The following GSTCD variants were observed in gnomAD, a reference collection of about 807,000 sequenced individuals.
GSTCD encodes glutathione S-transferase C-terminal domain-containing protein.
A neutral mutation model predicts 68.3 loss-of-function variants in GSTCD; 44 were observed. The observed-to-expected ratio is 0.64, with a 90% confidence interval of 0.51 to 0.83. The LOEUF is 0.83. Among genes scored for constraint, GSTCD ranks in the 40% least tolerant of loss-of-function variants. The probability of loss-of-function intolerance (pLI) is 0.00; values close to 1 mark genes in which losing one functional copy is unlikely to be tolerated. For synonymous variants in GSTCD, 273 were observed against 255.2 expected (o/e 1.07, Z -0.67); for missense variants, 739 against 735.9 (o/e 1.00, Z -0.05).
At chr4:105,839,818 G>T (rs1724266528) in intron 10 of GSTCD, among the ~76,000 whole-genome samples, 1 of 152,188 alleles carries the variant, frequency 6.6e-6, no homozygotes, top group South Asian at 2.1e-4. Flanking sequence ...ATCAAGGGTG[G>T]TGAAGAGATA....
intron 5 of GSTCD, among the ~76,000 whole-genome samples, chr4:105,747,060 C>G (rs1177786438): frequency 6.6e-6 from 1 of 152,210 alleles, no homozygotes. Context: ...TAAAGGCAGC[C>G]TTTTCCCCTA....
intron 4 of GSTCD, among the ~76,000 whole-genome samples, chr4:105,728,684 T>TAC (rs1560797994): frequency 8.1e-5 from 2 of 24,540 alleles, no homozygotes; most frequent in African/African-American, 2.1e-4. Flanking sequence ...TATAGATATA[T>TAC]AGATATAGAT....
chr4:105,760,996 A>ATTTTTTTTTTTTTTTTTTTTTTTTTTTTT (rs35581423), intron 5 of GSTCD: 2 of 174,968 alleles, frequency 1.1e-5, no homozygotes, highest in Non-Finnish European at 9.6e-6. Flanking sequence ...TCCTTTTTTA[A>ATTTTTTTTTTTTTTTTTTTTTTTTTTTTT]TTTTTTTTTT....
chr4:105,720,588 AAG>A (rs1302174782), intron 3 of GSTCD, among the ~76,000 whole-genome samples: 1 of 152,204 alleles, frequency 6.6e-6, no homozygotes, highest in Non-Finnish European at 1.5e-5. Flanking sequence ...ACAATATAAA[AAG>A]AGAGAGATCC....
At chr4:105,778,306 A>G (rs1193304221) in intron 5 of GSTCD, among the ~76,000 whole-genome samples, 1 of 152,184 alleles carries the variant, frequency 6.6e-6, no homozygotes, top group Non-Finnish European at 1.5e-5. Flanking sequence ...ATAAATAACA[A>G]AAACTCACTT....
At chr4:105,830,087 G>A (rs1433796903) in intron 8 of GSTCD, among the ~76,000 whole-genome samples, 2 of 152,032 alleles carry the variant, frequency 1.3e-5, no homozygotes, top group Non-Finnish European at 2.9e-5. Context: ...GTAAATCGTG[G>A]GGAGGAAAAC....
chr4:105,792,425 G>A (rs1578478972), intron 5 of GSTCD, among the ~76,000 whole-genome samples: 1 of 152,108 alleles, frequency 6.6e-6, no homozygotes, highest in East Asian at 1.9e-4. Context: ...CTGGGAGGAA[G>A]AAAAACAAGC....
intron 1 of GSTCD, among the ~76,000 whole-genome samples, chr4:105,716,529 G>A (rs894689088): frequency 1.3e-5 from 2 of 152,160 alleles, no homozygotes; most frequent in Admixed American, 6.5e-5. Flanking sequence ...CCTGAATGGC[G>A]CCTCCTGTCA....
chr4:105,735,647 C>G (rs1733436542), intron 5 of GSTCD, among the ~76,000 whole-genome samples: 1 of 152,156 alleles, frequency 6.6e-6, no homozygotes, highest in Non-Finnish European at 1.5e-5. Flanking sequence ...CCTCACCCTG[C>G]TTTGGCTCAC....
chr4:105,711,600 C>T (rs1056249376), intron 1 of GSTCD, among the ~76,000 whole-genome samples: 4 of 152,156 alleles, frequency 2.6e-5, no homozygotes, highest in African/African-American at 9.7e-5. Flanking sequence ...TATTTAAGGA[C>T]TTAATATGTG....
At chr4:105,733,550 C>T (rs937617005) in intron 5 of GSTCD, among the ~76,000 whole-genome samples, 1 of 152,160 alleles carries the variant, frequency 6.6e-6, no homozygotes, top group African/African-American at 2.4e-5. Context: ...GTAGATCTTC[C>T]TCCATCCCTT....
intron 11 of GSTCD, 110 bp from the exon 12 acceptor site, chr4:105,845,331 C>T: frequency 5.4e-6 from 6 of 1,114,912 alleles, no homozygotes; most frequent in Non-Finnish European, 7.9e-6. Flanking sequence ...GGGTACAAAG[C>T]ATGCTCCATA....
chr4:105,799,877 G>A (rs1736040378), intron 5 of GSTCD, among the ~76,000 whole-genome samples: 1 of 150,598 alleles, frequency 6.6e-6, no homozygotes, highest in Admixed American at 6.6e-5. Context: ...CAATAAGAAA[G>A]AGGTATATCT....
chr4:105,783,801 A>G (rs962557428), intron 5 of GSTCD, among the ~76,000 whole-genome samples: 4 of 152,226 alleles, frequency 2.6e-5, no homozygotes, highest in African/African-American at 9.6e-5. Context: ...GTTCAAGATT[A>G]TATTGTATGT....
At chr4:105,820,059 G>T (rs1325775854) in intron 5 of GSTCD, among the ~76,000 whole-genome samples, 1 of 151,672 alleles carries the variant, frequency 6.6e-6, no homozygotes, top group East Asian at 1.9e-4. Context: ...AAAATTAAGA[G>T]CTGCCTGATT....
At chr4:105,743,302 A>T (rs1733697047) in intron 5 of GSTCD, among the ~76,000 whole-genome samples, 1 of 152,096 alleles carries the variant, frequency 6.6e-6, no homozygotes, top group African/African-American at 2.4e-5. Context: ...CTGATACGCT[A>T]TAATTATTTA....
At chr4:105,812,819 GA>G (rs1329350950) in intron 5 of GSTCD, among the ~76,000 whole-genome samples, 1 of 152,018 alleles carries the variant, frequency 6.6e-6, no homozygotes, top group East Asian at 1.9e-4. Flanking sequence ...TAATAATGAT[GA>G]AAATTTCTCT....
intron 1 of GSTCD, among the ~76,000 whole-genome samples, chr4:105,715,311 A>G (rs879901880): frequency 6.6e-6 from 1 of 152,166 alleles, no homozygotes; most frequent in South Asian, 2.1e-4. Context: ...TTATAAAAAA[A>G]CTCTTTGAAC....
intron 5 of GSTCD, among the ~76,000 whole-genome samples, chr4:105,741,718 G>A (rs1049657619): frequency 2.0e-5 from 3 of 152,102 alleles, no homozygotes; most frequent in African/African-American, 7.2e-5. Flanking sequence ...AGAGTTCATG[G>A]AATATATTAC....
Sources: gnomAD v4.1 joint callset for allele counts (sites outside exome capture counted in the v4.1 genomes callset) on GRCh38, gnomAD v4.1.1 for gene constraint, MANE v1.5 for transcripts, NCBI Gene and HGNC (gene_info 2026-07-23, HGNC 2026-07-21) for gene names.